Variants in PROCR observed in about 807,000 individuals in gnomAD.
PROCR encodes the protein endothelial protein C receptor.
PROCR carries 22 observed loss-of-function variants against 24.2 expected under a neutral mutation model. The observed-to-expected ratio is 0.91, with a 90% CI of 0.65 to 1.30. The LOEUF is 1.30. PROCR is among the 50% of genes most tolerant of loss of function. The pLI is 0.00. For missense variants in PROCR, 288 were observed against 307.7 expected, an observed-to-expected ratio of 0.94 and a Z score of 0.48; for synonymous variants, 137 against 139.2, an observed-to-expected ratio of 0.98 and a Z score of 0.11.
chr20:35,192,316 G>A (rs960558288), intron 1 of PROCR, among the ~76,000 whole-genome samples: 3 of 152,190 alleles, frequency 2.0e-5, no homozygotes, highest in Admixed American at 1.3e-4. Context: ...CACGAAGGGC[G>A]GCTCGACAGT....
chr20:35,188,233 G>T (rs1469436513), intron 1 of PROCR, among the ~76,000 whole-genome samples: 1 of 152,206 alleles, frequency 6.6e-6, no homozygotes, highest in African/African-American at 2.4e-5. Context: ...TAGCAGGGAT[G>T]CAAAAGTGGG....
chr20:35,188,288 G>C (rs1294877579), intron 1 of PROCR, among the ~76,000 whole-genome samples: 3 of 152,196 alleles, frequency 2.0e-5, no homozygotes, highest in Non-Finnish European at 4.4e-5. Flanking sequence ...AGAAGGAGAA[G>C]CATACAAAGC....
chr20:35,175,333 C>G (rs1205356449), intron 2 of PROCR, among the ~76,000 whole-genome samples: 1 of 147,616 alleles, frequency 6.8e-6, no homozygotes, highest in Non-Finnish European at 1.5e-5. Flanking sequence ...CTTCACCCCC[C>G]ACCCTCCAGC....
chr20:35,215,191 G>A (rs745826886), intron 1 of PROCR, among the ~76,000 whole-genome samples: 20 of 152,208 alleles, frequency 1.3e-4, no homozygotes, highest in Non-Finnish European at 2.8e-4. Flanking sequence ...GATTACGGGC[G>A]TGAGCCACAG....
At chr20:35,181,272 A>AATTTTATTTT (rs1555790208), downstream of PROCR, among the ~76,000 whole-genome samples, 1 of 150,522 alleles carries the variant, frequency 6.6e-6, no homozygotes, top group African/African-American at 2.5e-5. Flanking sequence ...ATTTTAATTT[A>AATTTTATTTT]ATTTTATTTT....
chr20:35,202,220 C>A (rs1015986035), intron 1 of PROCR: 1 of 151,870 alleles, frequency 6.6e-6, no homozygotes, highest in Non-Finnish European at 1.5e-5. Flanking sequence ...CTGGCTATAC[C>A]AAAATTAAAC....
chr20:35,194,845 A>G lies in PROCR; in HGVS notation c.94+18399A>G, dbSNP rs568094360. Among the ~76,000 whole-genome samples the G allele has an allele frequency of 1.0e-3, 154 of 152,362 alleles. 1 individual carries two copies. The highest frequency in any genetic ancestry group is 2.0e-3 in the Non-Finnish European group (138 of 68,040). On this transcript the variant is annotated intron_variant, in intron 1 of 1. Transcript: ENST00000634509. The stretch of plus-strand genomic sequence containing the variant: ...AAACTAATTGAGTTATTTGCCTGCT[A>G]AAATAAACTAGTCACCATCCAGATA...
intron 1 of PROCR, among the ~76,000 whole-genome samples, chr20:35,210,625 T>C (rs1003391707): frequency 1.3e-5 from 2 of 152,158 alleles, no homozygotes; most frequent in South Asian, 4.2e-4. Flanking sequence ...TTTTTAACTG[T>C]CCCCAGTTCT....
intron 1 of PROCR, among the ~76,000 whole-genome samples, chr20:35,214,907 C>CTTTTTTTT (rs71198708): frequency 8.4e-5 from 10 of 119,516 alleles, no homozygotes; most frequent in East Asian, 2.4e-4. Flanking sequence ...TTTTCTTTTT[C>CTTTTTTTT]TTTTTTTTTT....
intron 1 of PROCR, among the ~76,000 whole-genome samples, chr20:35,215,408 CAG>C (rs549700560): frequency 3.0e-4 from 46 of 152,172 alleles, no homozygotes; most frequent in Non-Finnish European, 5.7e-4. Flanking sequence ...TATCCCCAGC[CAG>C]AGTGACCTCA....
intron 1 of PROCR, among the ~76,000 whole-genome samples, chr20:35,196,101 G>A (rs1272843026): frequency 7.4e-6 from 1 of 135,780 alleles, no homozygotes; most frequent in Non-Finnish European, 1.5e-5. Context: ...AGAATCGCTT[G>A]AACCCAGGAG....
intron 1 of PROCR, among the ~76,000 whole-genome samples, chr20:35,191,555 A>C (rs188751864): frequency 9.8e-4 from 150 of 152,328 alleles, no homozygotes; most frequent in African/African-American, 3.5e-3. Context: ...TGTTTTAGAC[A>C]GCATAATCAG....
downstream of PROCR, chr20:35,177,378 CTT>C: frequency 6.1e-6 from 6 of 981,512 alleles, no homozygotes; most frequent in Non-Finnish European, 7.2e-6. Context: ...ATCTCCTCCA[CTT>C]TGCAAAATTT....
chr20:35,175,173 G>A (rs964415698), intron 2 of PROCR, among the ~76,000 whole-genome samples: 1 of 152,022 alleles, frequency 6.6e-6, no homozygotes. Flanking sequence ...CGGTCGTCCT[G>A]CTGGCATAAC....
At chr20:35,194,097 G>T (rs890126118) in intron 1 of PROCR, among the ~76,000 whole-genome samples, 4 of 152,140 alleles carry the variant, frequency 2.6e-5, no homozygotes, top group African/African-American at 9.7e-5. Flanking sequence ...AATAAGGTAA[G>T]GACTGATCAT....
In PROCR at chr20:35,203,063, G is replaced by A. The variant is rs2060324707; in HGVS notation, c.95-12830G>A. On this transcript the variant is annotated intron_variant, in intron 1 of 1. Transcript: ENST00000634509. ...GAGGCTGAGGCAGTGGATCACCTCA[G>A]GTCGGGAGTTCAAGACCAGCCTGAC... The A allele has an allele frequency of 1.3e-5, 2 of 152,108 alleles. 1 individual carries two copies. Among genetic ancestry groups the A allele is most frequent in the South Asian group, 4.2e-4 (2 of 4,814 alleles). 9.4% of individuals were successfully genotyped at this position (152,108 alleles called of 1,614,324 possible). A position where few individuals can be genotyped will look rare whatever the true frequency, so the allele number is the denominator to read the frequency against.
chr20:35,183,362 G>C (rs972661556), intron 1 of PROCR, among the ~76,000 whole-genome samples: 1 of 152,032 alleles, frequency 6.6e-6, no homozygotes, highest in Non-Finnish European at 1.5e-5. Context: ...ATGAGATCTC[G>C]TTGTTTAAAA....
chr20:35,173,077 C>CA (rs1387844994), intron 1 of PROCR, among the ~76,000 whole-genome samples: 1 of 152,164 alleles, frequency 6.6e-6, no homozygotes, highest in Non-Finnish European at 1.5e-5. Context: ...TCTGCAGATA[C>CA]AAAGCACAAC....
downstream of PROCR, among the ~76,000 whole-genome samples, chr20:35,181,074 G>A (rs1316141408): frequency 6.6e-6 from 1 of 150,858 alleles, no homozygotes; most frequent in East Asian, 2.0e-4. Context: ...CACCATGTTG[G>A]TCAGGCTGGT....
Sources: gnomAD v4.1 joint callset for allele counts (sites outside exome capture counted in the v4.1 genomes callset) on GRCh38, gnomAD v4.1.1 for gene constraint, MANE v1.5 for transcripts, NCBI Gene and HGNC (gene_info 2026-07-23, HGNC 2026-07-21) for gene names.